The following PAK1IP1 variants were observed in gnomAD, a reference collection of about 807,000 sequenced individuals.
PAK1IP1 encodes the protein PAK1 interacting protein 1, also known as p21-activated protein kinase-interacting protein 1.
A neutral mutation model predicts 42.0 loss-of-function variants in PAK1IP1; 24 were observed. The ratio of observed to expected loss-of-function variants is 0.57; its 90% CI spans 0.41 to 0.80. The LOEUF (loss-of-function observed/expected upper bound fraction) is 0.80, where lower values mean the gene tolerates loss of function less well. Ranked by LOEUF, PAK1IP1 falls within the 30% of genes least tolerant of loss-of-function variation. The pLI is 0.00. For synonymous variants in PAK1IP1, 154 were observed against 156.7 expected, an observed-to-expected ratio of 0.98 and a Z score of 0.13; for missense variants, 411 against 467.9, an observed-to-expected ratio of 0.88 and a Z score of 1.12.
At chr6:10,700,561 A>T (rs1458019290) in intron 2 of PAK1IP1, among the ~76,000 whole-genome samples, 3 of 152,180 alleles carry the variant, frequency 2.0e-5, no homozygotes, top group African/African-American at 4.8e-5. Context: ...CTTGCTCTTC[A>T]TCAGAAGCTG....
chr6:10,694,617 GGCCCCACCT>G, upstream of PAK1IP1: 73 of 198,860 alleles, frequency 3.7e-4, no homozygotes, highest in South Asian at 1.5e-3. Flanking sequence ...GCCGGAAGTC[GGCCCCACCT>G]CCTCCTGATG....
chr6:10,692,344 C>T (rs979414388), upstream of PAK1IP1, among the ~76,000 whole-genome samples: 2 of 152,148 alleles, frequency 1.3e-5, no homozygotes, highest in Non-Finnish European at 2.9e-5. Context: ...TAGTGGTTCT[C>T]TGGTGGAAAC....
chr6:10,700,112 G>A (rs553838066), intron 2 of PAK1IP1, among the ~76,000 whole-genome samples: 2 of 152,250 alleles, frequency 1.3e-5, no homozygotes, highest in Non-Finnish European at 2.9e-5. Flanking sequence ...AGGCTGGAGT[G>A]CAGTGGCGCG....
intron 8 of PAK1IP1, among the ~76,000 whole-genome samples, chr6:10,708,288 C>T (rs181172268): frequency 3.3e-4 from 48 of 147,098 alleles, no homozygotes; most frequent in Middle Eastern, 3.4e-3. Context: ...AATCACACAA[C>T]GTTTGGCCTT....
At chr6:10,707,649 G>C in intron 8 of PAK1IP1, 135 bp downstream of exon 8, 1 of 571,468 alleles carries the variant, frequency 1.7e-6, no homozygotes, top group Non-Finnish European at 3.1e-6. Flanking sequence ...GATATTAATG[G>C]TTTTAAAATT....
At chr6:10,694,286 C>T (rs969529380), upstream of PAK1IP1, among the ~76,000 whole-genome samples, 3 of 143,578 alleles carry the variant, frequency 2.1e-5, no homozygotes, top group African/African-American at 8.7e-5. Flanking sequence ...AAAATGAAGG[C>T]TCACTGCTCC....
upstream of PAK1IP1, among the ~76,000 whole-genome samples, chr6:10,691,399 G>C (rs755980237): frequency 1.3e-5 from 2 of 150,276 alleles, no homozygotes; most frequent in African/African-American, 5.0e-5. Flanking sequence ...CTGAGCAAGC[G>C]GGGGTACATG....
At chr6:10,706,891 CAAA>C (rs1004022892) in intron 7 of PAK1IP1, among the ~76,000 whole-genome samples, 4 of 89,306 alleles carry the variant, frequency 4.5e-5, no homozygotes, top group African/African-American at 4.2e-5. Context: ...GGCTCCATCT[CAAA>C]AAAAAAAAAA....
Position 10,702,654 on chromosome 6 carries a change from C to G in PAK1IP1, c.443+15C>G. On this transcript the variant is annotated intron_variant, in intron 4 of 9. Coordinates refer to ENST00000379568, the MANE Select transcript of PAK1IP1 (RefSeq NM_017906.3). The stretch of plus-strand genomic sequence containing the variant: ...AAAACTTTAAGGTAAGTCATTAATG[C>G]TCAAGAGCATTTATCTAAGGTGTGT... 1 of 1,560,726 alleles carries G rather than the reference C, an allele frequency of 6.4e-7. No individual in the cohort carries two copies. Among genetic ancestry groups the G allele is most frequent in the Non-Finnish European group, 8.8e-7 (1 of 1,131,514 alleles).
chr6:10,699,122 C>G (rs569132281), intron 2 of PAK1IP1, among the ~76,000 whole-genome samples: 1 of 150,200 alleles, frequency 6.7e-6, no homozygotes, highest in Non-Finnish European at 1.5e-5. Flanking sequence ...ATCGCTTGAA[C>G]CTGGGGAGGC....
upstream of PAK1IP1, among the ~76,000 whole-genome samples, chr6:10,693,270 G>C (rs1027649615): frequency 1.3e-5 from 2 of 152,240 alleles, no homozygotes; most frequent in Admixed American, 1.3e-4. Flanking sequence ...TTGTTCAGGA[G>C]TGCTCTCACC....
upstream of PAK1IP1, among the ~76,000 whole-genome samples, chr6:10,692,699 T>A (rs1769443435): frequency 6.6e-6 from 1 of 152,170 alleles, no homozygotes; most frequent in Non-Finnish European, 1.5e-5. Flanking sequence ...ATTACAGGCA[T>A]GCGTGAGCCA....
intron 2 of PAK1IP1, 40 bp downstream of exon 2, chr6:10,697,526 T>C (rs1368479650): frequency 6.9e-7 from 1 of 1,442,804 alleles, no homozygotes; most frequent in Admixed American, 1.9e-5. Flanking sequence ...ACATAGAGGT[T>C]TTCTTTACAA....
chr6:10,703,869 A>C (rs567992778), intron 5 of PAK1IP1, among the ~76,000 whole-genome samples: 5 of 152,180 alleles, frequency 3.3e-5, no homozygotes, highest in Non-Finnish European at 7.3e-5. Context: ...ACATGTGTGT[A>C]TGTTACACAT....
In PAK1IP1 at chr6:10,704,634, C is replaced by T. The variant is rs1181896037; in HGVS notation, c.624C>T (p.Ser208=). The change falls in exon 6 of 10, where the codon TCC becomes TCT. Residue 208 remains serine (S), a synonymous_variant. Transcript: ENST00000379568. The part of the protein sequence containing the change: ...SGTITNEKRI[S]SVKFLSESVL... ...CCATCACAAATGAAAAGAGAATTTC[C>T]TCTGTTAAATTTCTTTCAGTAAGTA... The T allele has an allele frequency of 6.2e-7, 1 of 1,612,102 alleles. No individual in the cohort carries two copies.
chr6:10,702,907 T>C (rs890013266), intron 4 of PAK1IP1, among the ~76,000 whole-genome samples: 2 of 152,066 alleles, frequency 1.3e-5, no homozygotes, highest in Non-Finnish European at 2.9e-5. Flanking sequence ...CCCAGGTTCA[T>C]GCCATTCTCC....
chr6:10,702,667 A>G, intron 4 of PAK1IP1, 28 bp downstream of exon 4: 1 of 1,493,654 alleles, frequency 6.7e-7, no homozygotes, highest in Non-Finnish European at 9.3e-7. Context: ...AAGAGCATTT[A>G]TCTAAGGTGT....
rs765173674 is a variant in PAK1IP1 at position 10,702,472 on chromosome 6, G to A, written c.351G>A (p.Lys117=). 6 of 1,614,138 alleles carry A rather than the reference G, an allele frequency of 3.7e-6. No homozygotes were observed. The highest frequency in any genetic ancestry group is 1.7e-5 in the Admixed American group (1 of 60,020). ...IWDAKKWECL[K]SIKAHKGQVT... ...ATGCAAAGAAATGGGAATGCCTGAA[G>A]TCAATTAAAGCTCACAAGTGAGTCG... Residue 117 remains lysine (K), a synonymous_variant, in exon 3 of 10, where the codon AAG becomes AAA. Transcript: ENST00000379568.
At chr6:10,695,164 G>C (rs1418407871) in intron 1 of PAK1IP1, 95 bp downstream of exon 1, 2 of 742,266 alleles carry the variant, frequency 2.7e-6, no homozygotes, top group African/African-American at 3.5e-5. Flanking sequence ...AGCGCCTGCT[G>C]TTCACTGGAT....
Sources: allele counts gnomAD v4.1 joint callset (sites outside exome capture counted in the v4.1 genomes callset), GRCh38; gene constraint gnomAD v4.1.1; transcripts MANE v1.5; gene names NCBI Gene and HGNC (gene_info 2026-07-23, HGNC 2026-07-21).